GRIN2B: variants seen among roughly 807,000 people sequenced by gnomAD.
GRIN2B encodes glutamate ionotropic receptor NMDA type subunit 2B, also known as glutamate receptor ionotropic, NMDA 2B.
GRIN2B carries 5 observed loss-of-function variants against 114.5 expected under a neutral mutation model. The observed-to-expected ratio is 0.04, with a 90% CI of 0.02 to 0.09. The LOEUF is 0.09. Among genes scored for constraint, GRIN2B ranks in the 10% least tolerant of loss-of-function variants. The probability of loss-of-function intolerance (pLI) is 1.00; values close to 1 mark genes in which losing one functional copy is unlikely to be tolerated. For missense variants in GRIN2B, 1,108 were observed against 1,943.5 expected, an observed-to-expected ratio of 0.57 and a Z score of 8.08; for synonymous variants, 787 against 745.1, an observed-to-expected ratio of 1.06 and a Z score of -0.92.
chr12:13,855,445 A>T (rs1027508397), intron 3 of GRIN2B, among the ~76,000 whole-genome samples: 1 of 152,120 alleles, frequency 6.6e-6, no homozygotes, highest in African/African-American at 2.4e-5. Context: ...AAGGCTGCAG[A>T]AGACTCGGGG....
rs71067731 is a variant in GRIN2B, at chr12:13,834,020, CTTTTTTTTTTTTTTT to C, written c.411+31763_411+31777del. Among the ~76,000 whole-genome samples the C allele has an allele frequency of 1.2e-4, 9 of 72,588 alleles. No individual in the cohort carries two copies. In the South Asian group the frequency reaches 4.1e-3, roughly 33 times the overall value. 47.6% of individuals were successfully genotyped at this position (72,588 alleles called of 152,430 possible). ...AACACAGTAGTCTCTTTGCTAACTTCTTTTTTTTTTTTTTTTTTTTTTTTTTTTGAGACGGAGTCT... is the reference window on the plus strand; with the variant it reads ...AACACAGTAGTCTCTTTGCTAACTTCTTTTTTTTTTTTTGAGACGGAGTCT... On this transcript the variant is annotated intron_variant, in intron 3 of 13. Coordinates refer to ENST00000609686, the MANE Select transcript of GRIN2B (RefSeq NM_000834.5).
intron 5 of GRIN2B, among the ~76,000 whole-genome samples, chr12:13,627,634 G>T (rs1257805682): frequency 1.3e-5 from 2 of 152,200 alleles, no homozygotes; most frequent in African/African-American, 4.8e-5. Context: ...AAGCAGCAGG[G>T]GGCCTCCACT....
At chr12:13,847,922 G>A (rs1275577198) in intron 3 of GRIN2B, among the ~76,000 whole-genome samples, 1 of 152,156 alleles carries the variant, frequency 6.6e-6, no homozygotes, top group Non-Finnish European at 1.5e-5. Context: ...TCCTCTGCCA[G>A]ATTCTCTTCT....
chr12:13,549,682 G>T lies in GRIN2B; in HGVS notation c.*13101C>A, dbSNP rs1389316338. 6.6e-6 allele frequency: 1 copy of T among 152,020 alleles called. No homozygotes were observed. Among genetic ancestry groups the T allele is most frequent in the Non-Finnish European group, 1.5e-5 (1 of 67,994 alleles). The allele number at this position is 152,020 out of a possible 1,614,324, so 9.4% of individuals were successfully genotyped here. ...AGTTTTTTATTTATGTGGATTACATGCTACCTAAAAAAAATTTTTAATAAT... is the reference window on the plus strand; with the variant it reads ...AGTTTTTTATTTATGTGGATTACATTCTACCTAAAAAAAATTTTTAATAAT... On this transcript the variant is annotated 3_prime_UTR_variant, in exon 14 of 14. Transcript: ENST00000609686.
intron 3 of GRIN2B, among the ~76,000 whole-genome samples, chr12:13,824,470 C>T (rs1384201559): frequency 6.6e-6 from 1 of 151,988 alleles, no homozygotes; most frequent in Non-Finnish European, 1.5e-5. Flanking sequence ...TAGTGATATC[C>T]CCCTTTCTTG....
At chr12:13,801,252 A>C (rs1864507594) in intron 3 of GRIN2B, among the ~76,000 whole-genome samples, 1 of 152,222 alleles carries the variant, frequency 6.6e-6, no homozygotes, top group Non-Finnish European at 1.5e-5. Flanking sequence ...TTACAAACAT[A>C]CATTGGCTGT....
intron 3 of GRIN2B, among the ~76,000 whole-genome samples, chr12:13,849,439 A>C (rs1395393793): frequency 1.3e-5 from 2 of 151,898 alleles, no homozygotes; most frequent in Non-Finnish European, 2.9e-5. Context: ...TTCCTGCCCC[A>C]ATTCCTCTCT....
intron 3 of GRIN2B, among the ~76,000 whole-genome samples, chr12:13,859,322 C>T (rs938057540): frequency 6.6e-6 from 1 of 152,160 alleles, no homozygotes; most frequent in African/African-American, 2.4e-5. Context: ...GCACCAAGTG[C>T]CTGTATTTCT....
At chr12:13,595,592 T>A (rs1008044510) in intron 10 of GRIN2B, among the ~76,000 whole-genome samples, 18 of 152,212 alleles carry the variant, frequency 1.2e-4, no homozygotes, top group Admixed American at 6.5e-5. Flanking sequence ...GAACTGGCAT[T>A]GACTTTGACT....
intron 2 of GRIN2B, among the ~76,000 whole-genome samples, chr12:13,933,790 G>A (rs124626): frequency 0.94 from 143,470 of 152,262 alleles, 67,817 homozygotes; most frequent in East Asian, 1. Context: ...GGTAGGGTGT[G>A]GAGCTACTTG....
chr12:13,668,461 C>T (rs1341288457), intron 5 of GRIN2B, among the ~76,000 whole-genome samples: 1 of 152,134 alleles, frequency 6.6e-6, no homozygotes, highest in Non-Finnish European at 1.5e-5. Flanking sequence ...TAACAGCACA[C>T]CTCTACCTCC....
At chr12:13,781,788 G>A (rs755208813) in intron 3 of GRIN2B, among the ~76,000 whole-genome samples, 18 of 152,182 alleles carry the variant, frequency 1.2e-4, no homozygotes, top group Non-Finnish European at 2.2e-4. Flanking sequence ...TCATGATCCA[G>A]GTGAGTTCTC....
chr12:13,911,981 G>A (rs1435314287), intron 2 of GRIN2B, among the ~76,000 whole-genome samples: 1 of 152,146 alleles, frequency 6.6e-6, no homozygotes, highest in Non-Finnish European at 1.5e-5. Flanking sequence ...AGCCACACTC[G>A]GGGCCAGGGA....
In GRIN2B at chr12:13,549,285, A is replaced by T. The variant is rs1263697318; in HGVS notation, c.*13498T>A. Reference sequence around the variant, plus strand: ...TCAAGGTCTCATAAGTATTCTCAGGAGACTATTAATTTTGGAGCCCCCATG... The same window carrying T: ...TCAAGGTCTCATAAGTATTCTCAGGTGACTATTAATTTTGGAGCCCCCATG... On this transcript the variant is annotated 3_prime_UTR_variant, in exon 14 of 14. Transcript: ENST00000609686. 6.6e-6 allele frequency: 1 copy of T among 152,096 alleles called. No individual in the cohort carries two copies. Among genetic ancestry groups the T allele is most frequent in the East Asian group, 1.9e-4 (1 of 5,198 alleles). The allele number at this position is 152,096 out of a possible 1,614,324, so 9.4% of individuals were successfully genotyped here. A position where few individuals can be genotyped will look rare whatever the true frequency, so the allele number is the denominator to read the frequency against.
At chr12:13,823,493 T>C (rs1488584423) in intron 3 of GRIN2B, among the ~76,000 whole-genome samples, 1 of 152,080 alleles carries the variant, frequency 6.6e-6, no homozygotes, top group African/African-American at 2.4e-5. Flanking sequence ...ATACAATTGA[T>C]TTTTGTATAT....
intron 3 of GRIN2B, among the ~76,000 whole-genome samples, chr12:13,794,038 CAAAAAAAAA>C (rs59335663): frequency 2.9e-4 from 23 of 79,208 alleles, no homozygotes; most frequent in South Asian, 4.9e-4. Flanking sequence ...CCCATCTCTA[CAAAAAAAAA>C]AAAAAAAAAA....
intron 5 of GRIN2B, among the ~76,000 whole-genome samples, chr12:13,647,681 G>GTA (rs1423671992): frequency 1.3e-5 from 2 of 152,042 alleles, no homozygotes; most frequent in African/African-American, 4.8e-5. Context: ...GAATAGAGGG[G>GTA]TAGCCTGACT....
chr12:13,642,058 G>A lies in GRIN2B; in HGVS notation c.1126-25401C>T, dbSNP rs150653618. The stretch of plus-strand genomic sequence containing the variant: ...CAAAAAATTAGCTGGGCATGGTAGC[G>A]CACACCTGTAATTTCAGCTACTCAG... On this transcript the variant is annotated intron_variant, in intron 5 of 13. Transcript: ENST00000609686. Among the ~76,000 whole-genome samples, 1,191 of 151,980 alleles carry A rather than the reference G, an allele frequency of 7.8e-3. 18 individuals are homozygous for A. The highest frequency in any genetic ancestry group is 0.026 in the African/African-American group (1,091 of 41,446).
At chr12:13,855,818 C>A (rs991646416) in intron 3 of GRIN2B, among the ~76,000 whole-genome samples, 2 of 152,186 alleles carry the variant, frequency 1.3e-5, no homozygotes, top group Non-Finnish European at 2.9e-5. Flanking sequence ...AAGACATGGA[C>A]CTATCTTTTG....
Sources: gnomAD v4.1 joint callset for allele counts (sites outside exome capture counted in the v4.1 genomes callset) on GRCh38, gnomAD v4.1.1 for gene constraint, MANE v1.5 for transcripts, NCBI Gene and HGNC (gene_info 2026-07-23, HGNC 2026-07-21) for gene names.